Variants in TXNDC16 observed in about 807,000 individuals in gnomAD.
TXNDC16 encodes the protein thioredoxin domain containing 16, also known as thioredoxin domain-containing protein 16.
Under a neutral mutation model 85.6 loss-of-function variants are expected in TXNDC16, and 74 were observed. The ratio of observed to expected loss-of-function variants is 0.86; its 90% CI spans 0.72 to 1.05. The LOEUF is 1.05. Among genes scored for constraint, TXNDC16 ranks in the 50% least tolerant of loss-of-function variants. TXNDC16 has a pLI of 0.00. For synonymous variants in TXNDC16, 335 were observed against 326.5 expected, an observed-to-expected ratio of 1.03 and a Z score of -0.28; for missense variants, 959 against 947.0, an observed-to-expected ratio of 1.01 and a Z score of -0.17.
intron 9 of TXNDC16, among the ~76,000 whole-genome samples, chr14:52,501,102 TCTTA>T (rs1456195718): frequency 6.6e-6 from 1 of 152,176 alleles, no homozygotes; most frequent in African/African-American, 2.4e-5. Flanking sequence ...TCTGGCAGAA[TCTTA>T]CTTAACCTAT....
chr14:52,533,220 T>C (rs940471014), intron 6 of TXNDC16, among the ~76,000 whole-genome samples: 2 of 152,136 alleles, frequency 1.3e-5, no homozygotes, highest in African/African-American at 2.4e-5. Flanking sequence ...TTCTGTAAAT[T>C]TGCTCTTCTT....
In TXNDC16 at chr14:52,440,679, T is replaced by G; in HGVS notation, c.1888A>C (p.Lys630Gln). The stretch of plus-strand genomic sequence containing the variant: ...TCACTGAACAAAATCAATAATGGTT[T>G]CTGAAGTCTGAAATAACTGGGAAGA... Reference protein sequence around the residue: ...ENLPSYFRLQKPLLILFSDGT... With the variant: ...ENLPSYFRLQQPLLILFSDGT... The change falls in exon 19 of 21, where the codon AAA becomes CAA. Residue 630 changes from lysine to glutamine, a missense_variant. Transcript: ENST00000281741. 1 of 1,608,876 alleles carries G rather than the reference T, an allele frequency of 6.2e-7. No individual in the cohort carries two copies. The highest frequency in any genetic ancestry group is 8.5e-7 in the Non-Finnish European group (1 of 1,178,742).
intron 4 of TXNDC16, among the ~76,000 whole-genome samples, chr14:52,541,659 G>T (rs888218026): frequency 2.6e-5 from 4 of 152,298 alleles, no homozygotes; most frequent in African/African-American, 9.6e-5. Context: ...GAAGGCTAAT[G>T]AATTAAGAAA....
chr14:52,472,385 G>A (rs1343943800), intron 14 of TXNDC16, among the ~76,000 whole-genome samples: 2 of 152,004 alleles, frequency 1.3e-5, no homozygotes, highest in African/African-American at 2.4e-5. Flanking sequence ...CTTTAGTAGA[G>A]ACAGGGTTTC....
intron 19 of TXNDC16, 25 bp from the exon 20 acceptor site, chr14:52,439,419 A>G (rs1290239221): frequency 4.4e-6 from 7 of 1,575,600 alleles, no homozygotes; most frequent in Non-Finnish European, 5.2e-6. Context: ...AATTGAACAT[A>G]TTAATATTTC....
In TXNDC16 at chr14:52,526,052, T is replaced by C. The variant is rs563405112; in HGVS notation, c.393-6759A>G. ...TCAAATATTTTTGATCCGCTTATGG[T>C]TGAATCCACAGATGCAGAACCTGTG... On this transcript the variant is annotated intron_variant, in intron 6 of 20. Coordinates refer to ENST00000281741, the MANE Select transcript of TXNDC16 (RefSeq NM_020784.3). 2.0e-5 allele frequency among the ~76,000 whole-genome samples: 3 copies of C among 152,270 alleles called. No individual in the cohort carries two copies. The South Asian group carries it at 6.2e-4, about 32-fold the overall frequency.
chr14:52,545,070 T>C (rs938138981), intron 1 of TXNDC16, among the ~76,000 whole-genome samples: 30 of 152,160 alleles, frequency 2.0e-4, no homozygotes, highest in African/African-American at 6.8e-4. Flanking sequence ...GTAACATTCA[T>C]TACTATATAT....
At chr14:52,442,315 T>C (rs1225328611) in intron 18 of TXNDC16, among the ~76,000 whole-genome samples, 2 of 152,128 alleles carry the variant, frequency 1.3e-5, no homozygotes, top group Non-Finnish European at 2.9e-5. Flanking sequence ...CCAGCTGACA[T>C]ATGGGGAAGC....
intron 9 of TXNDC16, among the ~76,000 whole-genome samples, chr14:52,498,289 C>G (rs990281584): frequency 5.9e-5 from 9 of 152,056 alleles, no homozygotes; most frequent in African/African-American, 2.2e-4. Context: ...AACTGAAAGT[C>G]CTAGCCACAC....
chr14:52,498,321 T>C (rs1294007077), intron 9 of TXNDC16, among the ~76,000 whole-genome samples: 2 of 151,480 alleles, frequency 1.3e-5, no homozygotes, highest in African/African-American at 2.4e-5. Context: ...GGAAAACAAA[T>C]AAATGCATCA....
chr14:52,532,938 T>A (rs547637274), intron 6 of TXNDC16, among the ~76,000 whole-genome samples: 17 of 152,332 alleles, frequency 1.1e-4, no homozygotes, highest in Middle Eastern at 6.8e-3. Flanking sequence ...GTAAATATCG[T>A]TACTGGGAAA....
intron 9 of TXNDC16, among the ~76,000 whole-genome samples, chr14:52,504,246 A>G (rs2036734840): frequency 6.6e-6 from 1 of 152,150 alleles, no homozygotes; most frequent in African/African-American, 2.4e-5. Flanking sequence ...CTCGAGAAGA[A>G]CAACTCCAAG....
chr14:52,530,987 C>G (rs951361673), intron 6 of TXNDC16, among the ~76,000 whole-genome samples: 2 of 151,856 alleles, frequency 1.3e-5, no homozygotes, highest in Non-Finnish European at 2.9e-5. Context: ...CAAAACTCAA[C>G]AAGAAAACAA....
At chr14:52,538,597 G>A (rs900779411) in intron 4 of TXNDC16, among the ~76,000 whole-genome samples, 1 of 152,056 alleles carries the variant, frequency 6.6e-6, no homozygotes, top group African/African-American at 2.4e-5. Context: ...ACAACTAGGG[G>A]GAAGACTGAG....
intron 9 of TXNDC16, among the ~76,000 whole-genome samples, chr14:52,492,862 C>A (rs566766527): frequency 1.3e-5 from 2 of 152,326 alleles, no homozygotes; most frequent in East Asian, 3.9e-4. Flanking sequence ...TTGGCCACAT[C>A]TCTCAAGTCT....
intron 16 of TXNDC16, among the ~76,000 whole-genome samples, chr14:52,464,971 T>C (rs892590278): frequency 6.6e-6 from 1 of 152,048 alleles, no homozygotes; most frequent in Admixed American, 6.6e-5. Context: ...AAAGATATGC[T>C]CTCTAGGATT....
At chr14:52,528,410 T>G (rs538221620) in intron 6 of TXNDC16, among the ~76,000 whole-genome samples, 7 of 152,260 alleles carry the variant, frequency 4.6e-5, no homozygotes, top group African/African-American at 1.4e-4. Flanking sequence ...AGAATTAGGC[T>G]AAGTATTGGA....
intron 16 of TXNDC16, among the ~76,000 whole-genome samples, chr14:52,461,898 T>G (rs2035660353): frequency 6.6e-6 from 1 of 152,194 alleles, no homozygotes; most frequent in Non-Finnish European, 1.5e-5. Flanking sequence ...CACAGACAAA[T>G]CAAGCAAGTG....
At chr14:52,473,123 T>C (rs767062776) in intron 14 of TXNDC16, among the ~76,000 whole-genome samples, 1 of 152,122 alleles carries the variant, frequency 6.6e-6, no homozygotes, top group Non-Finnish European at 1.5e-5. Flanking sequence ...AACTAGACTA[T>C]AAAACTCGAC....
Sources: allele counts gnomAD v4.1 joint callset (sites outside exome capture counted in the v4.1 genomes callset), GRCh38; gene constraint gnomAD v4.1.1; transcripts MANE v1.5; gene names NCBI Gene and HGNC (gene_info 2026-07-23, HGNC 2026-07-21).